The following ALDH1L1 variants were observed in gnomAD, a reference collection of about 807,000 sequenced individuals.
The protein encoded by ALDH1L1 is cytosolic 10-formyltetrahydrofolate dehydrogenase.
A neutral mutation model predicts 101.1 loss-of-function variants in ALDH1L1; 68 were observed. The ratio of observed to expected loss-of-function variants is 0.67; its 90% CI spans 0.55 to 0.82. ALDH1L1 has a LOEUF of 0.82. ALDH1L1 is among the 40% of genes least tolerant of loss of function. The pLI, the probability that ALDH1L1 is intolerant of heterozygous loss-of-function variation, is 0.00. For synonymous variants in ALDH1L1, 486 were observed against 470.8 expected, an observed-to-expected ratio of 1.03 and a Z score of -0.42; for missense variants, 1,087 against 1,172.7, an observed-to-expected ratio of 0.93 and a Z score of 1.07.
chr3:126,148,828 C>A (rs2080752244), intron 8 of ALDH1L1, among the ~76,000 whole-genome samples: 1 of 152,228 alleles, frequency 6.6e-6, no homozygotes, highest in African/African-American at 2.4e-5. Flanking sequence ...TCCCCAGCAG[C>A]AAACTGGGCC....
At chr3:126,170,061 TA>T (rs1229948939) in intron 1 of ALDH1L1, among the ~76,000 whole-genome samples, 1 of 152,112 alleles carries the variant, frequency 6.6e-6, no homozygotes, top group East Asian at 1.9e-4. Flanking sequence ...CCTATTCATG[TA>T]AAAAAATAAA....
chr3:126,189,149 T>G (rs9870993), intron 1 of ALDH1L1, among the ~76,000 whole-genome samples: 94,699 of 152,058 alleles, frequency 0.62, 29,562 homozygotes, highest in Middle Eastern at 0.67. Context: ...TTGCATTAGG[T>G]ATGTTCCTAA....
chr3:126,187,704 T>C (rs2081528921), intron 1 of ALDH1L1, among the ~76,000 whole-genome samples: 1 of 152,040 alleles, frequency 6.6e-6, no homozygotes. Flanking sequence ...CAAAGGGCAG[T>C]CTTGGACTGC....
In ALDH1L1 at chr3:126,136,763, C is replaced by T; in HGVS notation, c.1344+1G>A. 2.6e-6 allele frequency: 4 copies of T among 1,567,234 alleles called. No homozygotes were observed. The highest frequency in any genetic ancestry group is 3.5e-6 in the Non-Finnish European group (4 of 1,155,162). ...AGAAGGGGTGCTGGGCCTGCACTCACACTTCCATCGGTGGGATTGATGGTC... is the reference window on the plus strand; with the variant it reads ...AGAAGGGGTGCTGGGCCTGCACTCATACTTCCATCGGTGGGATTGATGGTC... On this transcript the variant is annotated splice_donor_variant, in intron 11 of 22. Transcript: ENST00000393434. LOFTEE classifies it high-confidence loss of function.
At chr3:126,130,891 G>C (rs1322595704) in intron 13 of ALDH1L1, among the ~76,000 whole-genome samples, 1 of 152,236 alleles carries the variant, frequency 6.6e-6, no homozygotes, top group African/African-American at 2.4e-5. Context: ...GACTGTCCCT[G>C]TTGACCCTAA....
At chr3:126,184,047 C>T (rs979798129), upstream of ALDH1L1, among the ~76,000 whole-genome samples, 6 of 152,312 alleles carry the variant, frequency 3.9e-5, no homozygotes, top group East Asian at 1.9e-4. Context: ...GTAGGCTGAA[C>T]GTAGTGACTT....
intron 1 of ALDH1L1, among the ~76,000 whole-genome samples, chr3:126,190,332 C>G (rs1025427235): frequency 1.3e-5 from 2 of 152,198 alleles, no homozygotes; most frequent in African/African-American, 2.4e-5. Flanking sequence ...TGGCTATCAA[C>G]TCTTTTAGCA....
chr3:126,191,847 T>C (rs1173507000), intron 1 of ALDH1L1, among the ~76,000 whole-genome samples: 1 of 152,100 alleles, frequency 6.6e-6, no homozygotes, highest in Admixed American at 6.6e-5. Context: ...GACCACACTT[T>C]AGTGGGAGAG....
chr3:126,170,623 C>CA (rs2081254826), intron 1 of ALDH1L1, among the ~76,000 whole-genome samples: 1 of 151,932 alleles, frequency 6.6e-6, no homozygotes, highest in Non-Finnish European at 1.5e-5. Context: ...AATCTAAGAC[C>CA]AAAAAACTCT....
intron 9 of ALDH1L1, among the ~76,000 whole-genome samples, chr3:126,143,735 G>C (rs1486456458): frequency 6.6e-6 from 1 of 152,168 alleles, no homozygotes; most frequent in Admixed American, 6.5e-5. Context: ...TTGAGCCTAG[G>C]AGTTCAAAAT....
chr3:126,130,987 GC>G (rs1215416393), intron 13 of ALDH1L1, among the ~76,000 whole-genome samples: 4 of 152,244 alleles, frequency 2.6e-5, no homozygotes, highest in Non-Finnish European at 5.9e-5. Flanking sequence ...GGGATCCCAA[GC>G]CCGAGAGTGA....
chr3:126,190,499 C>T (rs74359173), intron 1 of ALDH1L1, among the ~76,000 whole-genome samples: 6,719 of 152,248 alleles, frequency 0.044, 201 homozygotes, highest in Non-Finnish European at 0.055. Flanking sequence ...GCTGAATTTA[C>T]GTGTTTTCAG....
chr3:126,117,243 A>G (rs1209448408), intron 17 of ALDH1L1, among the ~76,000 whole-genome samples: 1 of 151,974 alleles, frequency 6.6e-6, no homozygotes, highest in Non-Finnish European at 1.5e-5. Context: ...TCCATTGAAA[A>G]AAAAAAAAAA....
Position 126,153,528 on chromosome 3 carries a change from TC to T in ALDH1L1, c.773del (p.Gly258GlufsTer32). The T allele has an allele frequency of 6.2e-7, 1 of 1,614,122 alleles. No homozygotes were observed. The highest frequency in any genetic ancestry group is 1.3e-5 in the African/African-American group (1 of 75,028). On this transcript the variant is annotated frameshift_variant, in exon 7 of 23. Transcript: ENST00000393434. LOFTEE classifies it high-confidence loss of function. ...GGGCTCCTGGGATGGGCAAAGCGTC[TC>T]CCTCGGGCACCAGGCCTGAAGTGTT... ...TLNTSGLVPE[G>X]DALPIPGAHR...
Position 126,155,484 on chromosome 3 carries a change from A to T in ALDH1L1, c.548T>A (p.Ile183Asn), listed in dbSNP as rs760173261. Reference protein sequence around the residue: ...IKGMVQAVRLIAEGKAPRLPQ... With the variant: ...IKGMVQAVRLNAEGKAPRLPQ... ...GAGTCTGGGGGCTTTGCCCTCAGCG[A>T]TCAGCCTCACGGCCTGCACCTGGGG... The change falls in exon 5 of 23, where the codon ATC (isoleucine) becomes AAC (asparagine). Residue 183 changes from isoleucine to asparagine, a missense_variant. By Grantham distance (149) the Ile-to-Asn change is moderately radical (BLOSUM62 -3). Coordinates refer to ENST00000393434, the MANE Select transcript of ALDH1L1 (RefSeq NM_012190.4). The T allele has an allele frequency of 6.2e-7, 1 of 1,612,752 alleles. No individual in the cohort carries two copies. The highest frequency in any genetic ancestry group is 1.1e-5 in the South Asian group (1 of 90,696).
chr3:126,123,324 C>CTCGGA (rs1389554429), intron 16 of ALDH1L1, among the ~76,000 whole-genome samples: 4 of 150,052 alleles, frequency 2.7e-5, no homozygotes, highest in African/African-American at 9.8e-5. Flanking sequence ...GTGGCACAAT[C>CTCGGA]TCGGATCACT....
intron 8 of ALDH1L1, among the ~76,000 whole-genome samples, chr3:126,147,691 T>C (rs987915398): frequency 6.6e-6 from 1 of 152,092 alleles, no homozygotes; most frequent in African/African-American, 2.4e-5. Flanking sequence ...CTCCAGGCCA[T>C]TGTCAATCAT....
At chr3:126,112,258 G>T (rs180671627) in intron 19 of ALDH1L1, among the ~76,000 whole-genome samples, 50 of 152,292 alleles carry the variant, frequency 3.3e-4, no homozygotes, top group African/African-American at 1.2e-3. Flanking sequence ...AGCCTGACGG[G>T]AGCTACTCTC....
chr3:126,160,609 C>A (rs2081023793), intron 2 of ALDH1L1, among the ~76,000 whole-genome samples: 2 of 152,218 alleles, frequency 1.3e-5, no homozygotes, highest in Non-Finnish European at 2.9e-5. Context: ...TTCTCTATAG[C>A]CCTTCTCCAG....
Sources: gnomAD v4.1 joint callset for allele counts (sites outside exome capture counted in the v4.1 genomes callset) on GRCh38, gnomAD v4.1.1 for gene constraint, MANE v1.5 for transcripts, NCBI Gene and HGNC (gene_info 2026-07-23, HGNC 2026-07-21) for gene names.